Variants in RHBDF1 observed in about 807,000 individuals in gnomAD.
The protein encoded by RHBDF1 is rhomboid 5 homolog 1.
Under a neutral mutation model 98.6 loss-of-function variants are expected in RHBDF1, and 80 were observed. That is an observed-to-expected ratio of 0.81 (90% CI 0.68 to 0.98). The LOEUF is 0.98. Ranked by LOEUF, RHBDF1 falls within the 50% of genes least tolerant of loss-of-function variation. The pLI is 0.00. For missense variants in RHBDF1, 1,116 were observed against 1,198.3 expected (o/e 0.93, Z 1.01); for synonymous variants, 512 against 486.8 (o/e 1.05, Z -0.68).
Position 61,435 on chromosome 16 carries a change from C to T in RHBDF1, c.1345G>A (p.Glu449Lys), listed in dbSNP as rs755414110. The change falls in exon 10 of 18, where the codon GAG (glutamate) becomes AAG (lysine). Residue 449 changes from glutamate to lysine, a missense_variant. Coordinates refer to ENST00000262316, the MANE Select transcript of RHBDF1 (RefSeq NM_022450.5). ...TCCTGCTGCACGTACTTGACGTTCT[C>T]GTAGACCCCGCGGTTCCGCAGCACC... ...DSVLRNRGVYENVKYVQQENF... is the reference protein window; with the variant it reads ...DSVLRNRGVYKNVKYVQQENF... 1.9e-6 allele frequency: 3 copies of T among 1,612,446 alleles called. No individual in the cohort carries two copies. Among genetic ancestry groups the T allele is most frequent in the Non-Finnish European group, 2.5e-6 (3 of 1,179,796 alleles).
chr16:61,633 G>T lies in RHBDF1; in HGVS notation c.1272C>A (p.Ile424=). 1 of 1,613,604 alleles carries T rather than the reference G, an allele frequency of 6.2e-7. No homozygotes were observed. The highest frequency in any genetic ancestry group is 1.7e-5 in the Admixed American group (1 of 60,026). Residue 424 remains isoleucine, a synonymous_variant, in exon 9 of 18, where the codon ATC becomes ATA. Transcript: ENST00000262316. ...HSLVTILAVC[I]YGIAPVGFSQ... ...AGAAGCCCACGGGCGCGATGCCATAGATGCACACGGCTAGGATGGTGACGA... is the reference window on the plus strand; with the variant it reads ...AGAAGCCCACGGGCGCGATGCCATATATGCACACGGCTAGGATGGTGACGA...
Position 63,134 on chromosome 16 carries a change from T to C in RHBDF1, c.511A>G (p.Thr171Ala), listed in dbSNP as rs560361777. ...RGRAFRVADD[T>A]AEGLSAPHTP... Reference sequence around the variant, plus strand: ...TGTGGGGCACTCAGGCCTTCCGCAGTGTCATCTGCCACACGGAAGGCACGG... The same window carrying C: ...TGTGGGGCACTCAGGCCTTCCGCAGCGTCATCTGCCACACGGAAGGCACGG... The change falls in exon 5 of 18, where the codon ACT (threonine) becomes GCT (alanine). Residue 171 changes from threonine (T) to alanine (A), a missense_variant. Physicochemically the swap from Thr to Ala is moderately conservative, Grantham distance 58. Transcript: ENST00000262316. 72 of 1,599,392 alleles carry C rather than the reference T, an allele frequency of 4.5e-5. No individual in the cohort carries two copies. Among genetic ancestry groups the C allele is most frequent in the Non-Finnish European group, 5.8e-5 (68 of 1,173,988 alleles).
At chr16:69,750 G>C (rs1239957316) in intron 1 of RHBDF1, among the ~76,000 whole-genome samples, 1 of 152,202 alleles carries the variant, frequency 6.6e-6, no homozygotes, top group Non-Finnish European at 1.5e-5. Context: ...CCCTCCCAGT[G>C]AAGCCTCTTC....
In RHBDF1 at chr16:59,353, C is replaced by T. The variant is rs374612033; in HGVS notation, c.1894-4G>A. ...ACACATCATCCATGCAGTGCACCTGCGCAGAGCAGCATATCAGCATCACAG... is the reference window on the plus strand; with the variant it reads ...ACACATCATCCATGCAGTGCACCTGTGCAGAGCAGCATATCAGCATCACAG... On this transcript the variant is annotated splice_region_variant and splice_polypyrimidine_tract_variant and intron_variant, in intron 15 of 17. Transcript: ENST00000262316. 41 of 1,611,580 alleles carry T rather than the reference C, an allele frequency of 2.5e-5. No homozygotes were observed. The highest frequency in any genetic ancestry group is 3.3e-5 in the South Asian group (3 of 90,738).
intron 1 of RHBDF1, among the ~76,000 whole-genome samples, chr16:68,291 C>T (rs1326196763): frequency 5.3e-5 from 8 of 152,220 alleles, no homozygotes; most frequent in African/African-American, 1.7e-4. Flanking sequence ...CCTAGATCCC[C>T]ATCTGGGCCT....
Position 65,043 on chromosome 16 carries a change from C to G in RHBDF1, c.-24-4G>C. ...TTCCTGGCAGAGCAAGGCAGGCCTG[C>G]GGGGCATGGTGTGTTATTCAATAAT... is the stretch of plus-strand genomic sequence containing the variant. On this transcript the variant is annotated splice_polypyrimidine_tract_variant and splice_region_variant and intron_variant, in intron 1 of 17. Coordinates refer to ENST00000262316, the MANE Select transcript of RHBDF1 (RefSeq NM_022450.5). 6.7e-7 allele frequency: 1 copy of G among 1,499,050 alleles called. No homozygotes were observed. Among genetic ancestry groups the G allele is most frequent in the South Asian group, 1.4e-5 (1 of 73,374 alleles). 92.9% of individuals were successfully genotyped at this position (1,499,050 alleles called of 1,614,324 possible). A position where few individuals can be genotyped will look rare whatever the true frequency, so the allele number is the denominator to read the frequency against.
At chr16:75,242 G>A (rs1898064988), upstream of RHBDF1, among the ~76,000 whole-genome samples, 1 of 152,184 alleles carries the variant, frequency 6.6e-6, no homozygotes, top group Non-Finnish European at 1.5e-5. Flanking sequence ...GTCTGAGAAT[G>A]GGTTAGGGTT....
At chr16:62,941 C>T (rs939233040) in intron 5 of RHBDF1, 32 bp downstream of exon 5, 1 of 1,612,442 alleles carries the variant, frequency 6.2e-7, no homozygotes, top group African/African-American at 1.3e-5. Flanking sequence ...GCTGGGTCGG[C>T]CCCCAACCCC....
chr16:60,152 G>C, intron 13 of RHBDF1, 64 bp downstream of exon 13: 1 of 1,611,122 alleles, frequency 6.2e-7, no homozygotes, highest in Admixed American at 1.7e-5. Context: ...CCAGTGGGTG[G>C]GGTGTGGCAT....
intron 13 of RHBDF1, 91 bp from the exon 14 acceptor site, chr16:59,917 C>T: frequency 6.3e-7 from 1 of 1,584,376 alleles, no homozygotes; most frequent in Non-Finnish European, 8.6e-7. Context: ...GATGGGTGGG[C>T]TCATAAAGCA....
At chr16:59,926 C>G (rs1232529809) in intron 13 of RHBDF1, 100 bp from the exon 14 acceptor site, 4 of 1,567,044 alleles carry the variant, frequency 2.6e-6, no homozygotes, top group Non-Finnish European at 3.5e-6. Context: ...GCTCATAAAG[C>G]AGAAAACGGT....
Position 58,344 on chromosome 16 carries a change from T to TTC in RHBDF1, c.2563_2564insGA (p.His855ArgfsTer73). On this transcript the variant is annotated frameshift_variant, in exon 18 of 18. Transcript: ENST00000262316. LOFTEE classifies it high-confidence loss of function. ...CCGCTGGAGCCCGCAGCCAGCTCAG[T>TTC]GGAGCTGAGCGTCCAGTTCGTACTT... The TTC allele has an allele frequency of 6.2e-7, 1 of 1,609,878 alleles. No individual in the cohort carries two copies. The highest frequency in any genetic ancestry group is 8.5e-7 in the Non-Finnish European group (1 of 1,177,906).
At chr16:59,586 TG>T (rs1245982969) in intron 14 of RHBDF1, 92 bp from the exon 15 acceptor site, 22 of 1,483,554 alleles carry the variant, frequency 1.5e-5, no homozygotes, top group Non-Finnish European at 2.0e-5. Flanking sequence ...TACCCACCTT[TG>T]TTGGCCCCAA....
intron 1 of RHBDF1, among the ~76,000 whole-genome samples, chr16:68,129 G>A (rs1567118418): frequency 6.6e-6 from 1 of 152,170 alleles, no homozygotes. Flanking sequence ...GGCACCAGCC[G>A]CCATGCCTCT....
chr16:62,409 G>T, intron 7 of RHBDF1, 129 bp downstream of exon 7: 1 of 1,250,842 alleles, frequency 8.0e-7, no homozygotes, highest in Non-Finnish European at 1.1e-6. Flanking sequence ...GGCCCAGTGA[G>T]TAGTGAGTTC....
In RHBDF1 at chr16:62,007, G is replaced by T; in HGVS notation, c.999C>A (p.Ala333=). 1 of 1,546,302 alleles carries T rather than the reference G, an allele frequency of 6.5e-7. No individual in the cohort carries two copies. Among genetic ancestry groups the T allele is most frequent in the Non-Finnish European group, 8.7e-7 (1 of 1,152,752 alleles). The change falls in exon 8 of 18, where the codon GCC becomes GCA. Residue 333 remains alanine (A), a synonymous_variant. Coordinates refer to ENST00000262316, the MANE Select transcript of RHBDF1 (RefSeq NM_022450.5). The stretch of plus-strand genomic sequence containing the variant: ...GTCGGAGCCGCACCTTGGGCTGCGG[G>T]GCTGCGGCGCCCTCCTTCTGCTTCC... ...GWRKQKEGAA[A]PQPKVRLRQE...
chr16:75,164 C>T (rs1302664272), upstream of RHBDF1, among the ~76,000 whole-genome samples: 3 of 152,200 alleles, frequency 2.0e-5, no homozygotes, highest in Admixed American at 6.5e-5. Context: ...TCTCTTCCCG[C>T]GTCATGCACC....
intron 1 of RHBDF1, among the ~76,000 whole-genome samples, chr16:67,260 T>A (rs1284103148): frequency 1.3e-5 from 2 of 152,188 alleles, no homozygotes; most frequent in African/African-American, 2.4e-5. Flanking sequence ...ACTCCCAGCA[T>A]GTTCTCACCC....
At chr16:60,309 G>T in intron 12 of RHBDF1, 30 bp from the exon 13 acceptor site, 1 of 1,613,460 alleles carries the variant, frequency 6.2e-7, no homozygotes, top group Non-Finnish European at 8.5e-7. Context: ...GGTCAGACCG[G>T]CTTCGAGCCC....
Sources: gnomAD v4.1 joint callset for allele counts (sites outside exome capture counted in the v4.1 genomes callset) on GRCh38, gnomAD v4.1.1 for gene constraint, MANE v1.5 for transcripts, NCBI Gene and HGNC (gene_info 2026-07-23, HGNC 2026-07-21) for gene names.